Variants in SYN3 observed in about 807,000 individuals in gnomAD.
SYN3 encodes synapsin III.
Under a neutral mutation model 65.8 loss-of-function variants are expected in SYN3, and 35 were observed. The ratio of observed to expected loss-of-function variants is 0.53; its 90% CI spans 0.41 to 0.70. SYN3 has a LOEUF of 0.70. SYN3 is among the 30% of genes least tolerant of loss of function. SYN3 has a pLI of 0.00. For synonymous variants in SYN3, 270 were observed against 292.9 expected, an observed-to-expected ratio of 0.92 and a Z score of 0.80; for missense variants, 680 against 749.0, an observed-to-expected ratio of 0.91 and a Z score of 1.08.
At chr22:32,832,925 G>T (rs1199649728) in intron 6 of SYN3, among the ~76,000 whole-genome samples, 2 of 151,992 alleles carry the variant, frequency 1.3e-5, no homozygotes, top group African/African-American at 2.4e-5. Flanking sequence ...TAGAGACAGG[G>T]TTTTACCTTG....
At chr22:32,670,841 A>T (rs1453661127) in intron 6 of SYN3, among the ~76,000 whole-genome samples, 1 of 152,196 alleles carries the variant, frequency 6.6e-6, no homozygotes, top group African/African-American at 2.4e-5. Flanking sequence ...GTCTGGAGTA[A>T]TGAGGTAAGT....
chr22:32,778,780 T>G (rs8142758), intron 6 of SYN3, among the ~76,000 whole-genome samples: 20,894 of 152,184 alleles, frequency 0.14, 1,466 homozygotes, highest in Middle Eastern at 0.2. Context: ...GAAGACAACC[T>G]TCAACATACC....
intron 6 of SYN3, among the ~76,000 whole-genome samples, chr22:32,620,752 C>T (rs1695534101): frequency 6.6e-6 from 1 of 151,874 alleles, no homozygotes; most frequent in South Asian, 2.1e-4. Context: ...CGGAATCTCA[C>T]TCTGTTGCCC....
At chr22:32,721,153 G>A (rs1340935100) in intron 6 of SYN3, among the ~76,000 whole-genome samples, 1 of 152,160 alleles carries the variant, frequency 6.6e-6, no homozygotes, top group Admixed American at 6.5e-5. Flanking sequence ...AGACAGGGAC[G>A]TCAGCTTTGC....
intron 6 of SYN3, chr22:32,629,780 G>A (rs1014471270): frequency 6.6e-6 from 1 of 152,100 alleles, no homozygotes; most frequent in African/African-American, 2.4e-5. Flanking sequence ...ACTGGGAGAG[G>A]CCACATAGTG....
At position 32,947,971 on chromosome 22, in the gene SYN3, C is replaced by A. The variant is rs115199531; in HGVS notation, c.370-16490G>T. Among the ~76,000 whole-genome samples the A allele has an allele frequency of 6.1e-3, 932 of 152,276 alleles. 7 individuals carry two copies. Among genetic ancestry groups the A allele is most frequent in the African/African-American group, 0.022 (905 of 41,550 alleles). Reference sequence around the variant, plus strand: ...CAGGTTACTGGCAGAAGTCAGTTATCTGCAATTATAGAACTGAGGTCCTCG... The same window carrying A: ...CAGGTTACTGGCAGAAGTCAGTTATATGCAATTATAGAACTGAGGTCCTCG... On this transcript the variant is annotated intron_variant, in intron 3 of 13. Coordinates refer to ENST00000358763, the MANE Select transcript of SYN3 (RefSeq NM_003490.4).
intron 3 of SYN3, among the ~76,000 whole-genome samples, chr22:32,949,581 G>C (rs960497119): frequency 4.6e-5 from 7 of 152,106 alleles, no homozygotes; most frequent in Non-Finnish European, 7.3e-5. Context: ...CACAGGAATA[G>C]AGATGGAATG....
intron 6 of SYN3, among the ~76,000 whole-genome samples, chr22:32,657,804 A>T (rs2060163401): frequency 6.6e-6 from 1 of 152,182 alleles, no homozygotes; most frequent in Non-Finnish European, 1.5e-5. Flanking sequence ...CAAAGTGCAG[A>T]CCTACAGCCC....
chr22:32,931,277 GA>G (rs2050620851), intron 4 of SYN3, 112 bp downstream of exon 4: 1 of 714,394 alleles, frequency 1.4e-6, no homozygotes, highest in Non-Finnish European at 2.5e-6. Context: ...TTCTGTACAG[GA>G]AAGTACATGT....
intron 6 of SYN3, among the ~76,000 whole-genome samples, chr22:32,863,886 T>C (rs1356928603): frequency 3.3e-5 from 5 of 152,292 alleles, no homozygotes; most frequent in African/African-American, 1.2e-4. Flanking sequence ...TAAGGATGCA[T>C]ACAGTAAGAA....
chr22:32,937,299 T>C (rs186493772), intron 3 of SYN3, among the ~76,000 whole-genome samples: 284 of 152,234 alleles, frequency 1.9e-3, no homozygotes, highest in Middle Eastern at 3.4e-3. Context: ...CTTGTAGAGA[T>C]AAAAATTATA....
intron 6 of SYN3, among the ~76,000 whole-genome samples, chr22:32,843,105 T>A (rs756364239): frequency 1.1e-3 from 172 of 152,192 alleles, no homozygotes; most frequent in South Asian, 2.1e-4. Context: ...CCCACTAGGA[T>A]GCAAAACTGC....
chr22:32,898,830 C>G (rs982032072), intron 4 of SYN3, among the ~76,000 whole-genome samples: 5 of 152,110 alleles, frequency 3.3e-5, no homozygotes, highest in African/African-American at 9.7e-5. Context: ...GGGCTGGGCG[C>G]GGTGGCTCAC....
In SYN3 at chr22:32,508,445, C is replaced by T. The variant is rs12166264; in HGVS notation, c.*5247G>A. On this transcript the variant is annotated 3_prime_UTR_variant, in exon 14 of 14. Transcript: ENST00000358763. Reference sequence around the variant, plus strand: ...CCGGCCTGCACCCAGGTGAAATAAACAGCCATGTTGCTCACACAAAGCCTG... The same window carrying T: ...CCGGCCTGCACCCAGGTGAAATAAATAGCCATGTTGCTCACACAAAGCCTG... Among the ~76,000 whole-genome samples, 6,328 of 152,216 alleles carry T rather than the reference C, an allele frequency of 0.042. 427 individuals are homozygous for T. Among genetic ancestry groups the T allele is most frequent in the African/African-American group, 0.14 (5,935 of 41,496 alleles).
At position 33,006,390 on chromosome 22, in the gene SYN3, G is replaced by C; in HGVS notation, c.273C>G (p.Pro91=). 6.2e-7 allele frequency: 1 copy of C among 1,613,926 alleles called. No homozygotes were observed. The highest frequency in any genetic ancestry group is 8.5e-7 in the Non-Finnish European group (1 of 1,179,910). Reference sequence around the variant, plus strand: ...CATCATCGATCACCAACAGGATCCTGGGTCTTTGAACAATGGGCGTGGAGG... The same window carrying C: ...CATCATCGATCACCAACAGGATCCTCGGTCTTTGAACAATGGGCGTGGAGG... The part of the protein sequence containing the change: ...PGPSTPIVQR[P]RILLVIDDAH... Residue 91 remains proline (P), a synonymous_variant, in exon 2 of 14, where the codon CCC becomes CCG. Transcript: ENST00000358763.
rs1044396172 is a variant in SYN3 at position 32,812,103 on chromosome 22, C to T, written c.711+52812G>A. On this transcript the variant is annotated intron_variant, in intron 6 of 13. Transcript: ENST00000358763. Reference sequence around the variant, plus strand: ...TGATACTGACCTCCCTGGGTTTGGTCTCTTATCTGTAAAACAGCAGGATAT... The same window carrying T: ...TGATACTGACCTCCCTGGGTTTGGTTTCTTATCTGTAAAACAGCAGGATAT... Among the ~76,000 whole-genome samples the T allele has an allele frequency of 5.9e-5, 9 of 152,250 alleles. No homozygotes were observed. In the South Asian group the frequency reaches 1.5e-3, roughly 25 times the overall value.
At chr22:32,523,627 C>T (rs1328144159) in intron 12 of SYN3, among the ~76,000 whole-genome samples, 1 of 152,238 alleles carries the variant, frequency 6.6e-6, no homozygotes, top group African/African-American at 2.4e-5. Flanking sequence ...GTCCTTGGGC[C>T]TCCCTTTCCC....
chr22:32,932,628 G>A (rs1044770108), intron 3 of SYN3, among the ~76,000 whole-genome samples: 4 of 152,156 alleles, frequency 2.6e-5, no homozygotes, highest in African/African-American at 9.7e-5. Context: ...GATTTTGTGA[G>A]TTCATCTTTT....
At chr22:32,526,809 G>A (rs777447762) in intron 12 of SYN3, among the ~76,000 whole-genome samples, 1 of 152,130 alleles carries the variant, frequency 6.6e-6, no homozygotes, top group Non-Finnish European at 1.5e-5. Context: ...CTGAGCTACC[G>A]CGCCCGGCCT....
Sources: gnomAD v4.1 joint callset for allele counts (sites outside exome capture counted in the v4.1 genomes callset) on GRCh38, gnomAD v4.1.1 for gene constraint, MANE v1.5 for transcripts, NCBI Gene and HGNC (gene_info 2026-07-23, HGNC 2026-07-21) for gene names.